The following PRKAR2B variants were observed in gnomAD, a reference collection of about 807,000 sequenced individuals.
The protein encoded by PRKAR2B is protein kinase cAMP-dependent type II regulatory subunit beta, also known as cAMP-dependent protein kinase type II-beta regulatory subunit.
In PRKAR2B, 14 loss-of-function variants were observed where a neutral mutation model predicts 49.9. The ratio of observed to expected loss-of-function variants is 0.28; its 90% CI spans 0.19 to 0.44. The LOEUF (loss-of-function observed/expected upper bound fraction) is 0.44, where lower values mean the gene tolerates loss of function less well. PRKAR2B is among the 20% of genes least tolerant of loss of function. PRKAR2B has a pLI of 1.00. For synonymous variants in PRKAR2B, 196 were observed against 197.7 expected, an observed-to-expected ratio of 0.99 and a Z score of 0.07; for missense variants, 393 against 537.9, an observed-to-expected ratio of 0.73 and a Z score of 2.67.
At chr7:107,133,372 T>C (rs1795636843) in intron 4 of PRKAR2B, among the ~76,000 whole-genome samples, 1 of 152,246 alleles carries the variant, frequency 6.6e-6, no homozygotes, top group Non-Finnish European at 1.5e-5. Flanking sequence ...TTTTTCCCCA[T>C]TTGACATTTA....
At chr7:107,156,591 G>A (rs1796094321) in intron 8 of PRKAR2B, among the ~76,000 whole-genome samples, 1 of 152,066 alleles carries the variant, frequency 6.6e-6, no homozygotes, top group Admixed American at 6.5e-5. Flanking sequence ...AGATCTCGAG[G>A]TCAGGAGATC....
intron 1 of PRKAR2B, among the ~76,000 whole-genome samples, chr7:107,063,803 C>A (rs1794074439): frequency 6.6e-6 from 1 of 152,114 alleles, no homozygotes; most frequent in Non-Finnish European, 1.5e-5. Context: ...CCCAAATTAC[C>A]CTTCTCTGGA....
intron 2 of PRKAR2B, among the ~76,000 whole-genome samples, chr7:107,115,668 G>C (rs1340906654): frequency 7.2e-5 from 11 of 152,096 alleles, no homozygotes. Flanking sequence ...AAGAGAGAGG[G>C]AGAGAGAGAA....
intron 2 of PRKAR2B, among the ~76,000 whole-genome samples, chr7:107,101,875 C>CTTTTTTTTTTTTTTTTTTTTTT (rs10589473): frequency 2.1e-5 from 2 of 94,254 alleles, no homozygotes; most frequent in African/African-American, 8.5e-5. Flanking sequence ...AGCCCTGATC[C>CTTTTTTTTTTTTTTTTTTTTTT]TTTTTTTTTT....
chr7:107,099,345 C>T (rs549931973), intron 2 of PRKAR2B, among the ~76,000 whole-genome samples: 12 of 152,214 alleles, frequency 7.9e-5, no homozygotes, highest in African/African-American at 2.2e-4. Flanking sequence ...CCTGGTGTGC[C>T]GTTTGCTAAG....
intron 3 of PRKAR2B, among the ~76,000 whole-genome samples, chr7:107,126,466 G>A (rs971327931): frequency 1.3e-5 from 2 of 148,916 alleles, no homozygotes; most frequent in African/African-American, 5.0e-5. Context: ...ACGAGAGGTA[G>A]CAGGAAGAAG....
chr7:107,045,893 T>C (rs1021278914), intron 1 of PRKAR2B, among the ~76,000 whole-genome samples: 1 of 152,230 alleles, frequency 6.6e-6, no homozygotes, highest in African/African-American at 2.4e-5. Flanking sequence ...AATGGGTTAA[T>C]GGTTTGCTTT....
chr7:107,063,438 C>T (rs1794066190), intron 1 of PRKAR2B, among the ~76,000 whole-genome samples: 1 of 152,108 alleles, frequency 6.6e-6, no homozygotes, highest in Non-Finnish European at 1.5e-5. Flanking sequence ...CAAGGAAAGA[C>T]CCTGCCCTCA....
intron 1 of PRKAR2B, among the ~76,000 whole-genome samples, chr7:107,046,836 A>G (rs1793708009): frequency 6.6e-6 from 1 of 151,572 alleles, no homozygotes; most frequent in Non-Finnish European, 1.5e-5. Flanking sequence ...AAGACCATAT[A>G]TATATATATA....
chr7:107,101,124 G>A (rs1481645037), intron 2 of PRKAR2B, among the ~76,000 whole-genome samples: 1 of 147,790 alleles, frequency 6.8e-6, no homozygotes, highest in Non-Finnish European at 1.5e-5. Flanking sequence ...TCCCTCTCCA[G>A]GTTGTTGCTT....
chr7:107,073,105 T>G (rs1207664562), intron 2 of PRKAR2B, among the ~76,000 whole-genome samples: 1 of 152,228 alleles, frequency 6.6e-6, no homozygotes, highest in Non-Finnish European at 1.5e-5. Flanking sequence ...CTGACTTTCC[T>G]AAATCTTTTG....
chr7:107,079,880 TG>T (rs1456217924), intron 2 of PRKAR2B, among the ~76,000 whole-genome samples: 2 of 152,148 alleles, frequency 1.3e-5, no homozygotes, highest in Non-Finnish European at 2.9e-5. Flanking sequence ...GCAAGGAGGA[TG>T]GGAAGATTTC....
chr7:107,148,901 A>G (rs530249022), intron 6 of PRKAR2B, among the ~76,000 whole-genome samples: 79 of 152,366 alleles, frequency 5.2e-4, no homozygotes, highest in African/African-American at 1.8e-3. Context: ...TCTGGACTTT[A>G]TATGTCACAG....
chr7:107,049,612 A>G (rs1475894733), intron 1 of PRKAR2B, among the ~76,000 whole-genome samples: 1 of 152,096 alleles, frequency 6.6e-6, no homozygotes, highest in Non-Finnish European at 1.5e-5. Context: ...TTACAGAGTT[A>G]TATACTTTTT....
At chr7:107,091,047 TTCAGAACATTAAG>T (rs1385723859) in intron 2 of PRKAR2B, among the ~76,000 whole-genome samples, 1 of 152,214 alleles carries the variant, frequency 6.6e-6, no homozygotes, top group African/African-American at 2.4e-5. Context: ...TGTTATTTTC[TTCAGAACATTAAG>T]AGCAGCCAAC....
intron 2 of PRKAR2B, among the ~76,000 whole-genome samples, chr7:107,120,949 T>C (rs1584439045): frequency 6.6e-6 from 1 of 151,504 alleles, no homozygotes; most frequent in East Asian, 1.9e-4. Flanking sequence ...ACATTTGCTA[T>C]GGCTTAAAAT....
intron 1 of PRKAR2B, among the ~76,000 whole-genome samples, chr7:107,049,321 G>T (rs1001145273): frequency 2.6e-5 from 4 of 152,138 alleles, no homozygotes; most frequent in Non-Finnish European, 4.4e-5. Context: ...ATAAAGAGCT[G>T]ATTTTCTGAG....
chr7:107,105,199 C>T (rs570163967), intron 2 of PRKAR2B, among the ~76,000 whole-genome samples: 185 of 152,240 alleles, frequency 1.2e-3, no homozygotes, highest in African/African-American at 4.3e-3. Flanking sequence ...ATGTCTGAAA[C>T]AGAGGACTAC....
intron 4 of PRKAR2B, among the ~76,000 whole-genome samples, chr7:107,130,212 A>T (rs1795579654): frequency 6.6e-6 from 1 of 152,174 alleles, no homozygotes; most frequent in African/African-American, 2.4e-5. Context: ...GTTAAAAGTT[A>T]TGCCGGGCCG....
Sources: allele counts gnomAD v4.1 joint callset (sites outside exome capture counted in the v4.1 genomes callset), GRCh38; gene constraint gnomAD v4.1.1; transcripts MANE v1.5; gene names NCBI Gene and HGNC (gene_info 2026-07-23, HGNC 2026-07-21).